The following TBCK variants were observed in gnomAD, a reference collection of about 807,000 sequenced individuals.
TBCK encodes TBC1 domain containing kinase, also known as TBC domain-containing protein kinase-like protein.
A neutral mutation model predicts 113.4 loss-of-function variants in TBCK; 99 were observed. The observed-to-expected ratio is 0.87, with a 90% CI of 0.74 to 1.03. The LOEUF (loss-of-function observed/expected upper bound fraction) is 1.03, where lower values mean the gene tolerates loss of function less well. Among genes scored for constraint, TBCK ranks in the 50% least tolerant of loss-of-function variants. The pLI, the probability that TBCK is intolerant of heterozygous loss-of-function variation, is 0.00. For missense variants in TBCK, 1,045 were observed against 1,061.3 expected (o/e 0.98, Z 0.21); for synonymous variants, 369 against 370.8 (o/e 1.00, Z 0.05).
chr4:106,201,429 T>C (rs1553958975), intron 20 of TBCK, among the ~76,000 whole-genome samples: 1 of 152,100 alleles, frequency 6.6e-6, no homozygotes, highest in Non-Finnish European at 1.5e-5. Context: ...AGAGATATTA[T>C]TAGCTATTTC....
intron 23 of TBCK, among the ~76,000 whole-genome samples, chr4:106,118,008 C>CAA (rs1006398569): frequency 1.2e-4 from 9 of 76,352 alleles, no homozygotes; most frequent in African/African-American, 3.1e-4. Flanking sequence ...GACTCCGTCT[C>CAA]AAAAAAAAAA....
intron 3 of TBCK, 75 bp from the exon 4 acceptor site, chr4:106,262,287 C>A: frequency 1.4e-6 from 1 of 738,136 alleles, no homozygotes; most frequent in Non-Finnish European, 2.2e-6. Context: ...GAAATGTGAC[C>A]TAGTGAAAAT....
chr4:106,201,818 A>T (rs72891645), intron 20 of TBCK, among the ~76,000 whole-genome samples: 4,097 of 152,100 alleles, frequency 0.027, 178 homozygotes, highest in African/African-American at 0.094. Context: ...AGCATACTAT[A>T]TTGTCTATCT....
chr4:106,212,038 T>A (rs889345187), intron 20 of TBCK, among the ~76,000 whole-genome samples: 2 of 152,046 alleles, frequency 1.3e-5, no homozygotes, highest in African/African-American at 4.8e-5. Context: ...TTAAAAAAAA[T>A]TTTTTAATGT....
intron 22 of TBCK, among the ~76,000 whole-genome samples, chr4:106,183,724 T>C (rs922144817): frequency 2.3e-4 from 35 of 152,124 alleles, no homozygotes; most frequent in African/African-American, 8.0e-4. Flanking sequence ...TGAGTTTTCT[T>C]ATTGCTAAAC....
intron 22 of TBCK, among the ~76,000 whole-genome samples, chr4:106,172,063 C>T (rs1477095247): frequency 6.6e-6 from 1 of 152,068 alleles, no homozygotes; most frequent in Non-Finnish European, 1.5e-5. Context: ...AATTCCTGAC[C>T]TCAGGCAATC....
chr4:106,179,991 T>C (rs967179365), intron 22 of TBCK, among the ~76,000 whole-genome samples: 1 of 152,076 alleles, frequency 6.6e-6, no homozygotes, highest in Admixed American at 6.6e-5. Context: ...ATAATGGACT[T>C]CTTTTGTCTT....
intron 22 of TBCK, among the ~76,000 whole-genome samples, chr4:106,185,537 G>A (rs551682251): frequency 1.3e-5 from 2 of 152,054 alleles, no homozygotes; most frequent in South Asian, 4.1e-4. Context: ...GCTTTAGATG[G>A]CTCATATAAG....
chr4:106,202,180 CTT>C (rs11288078), intron 20 of TBCK, among the ~76,000 whole-genome samples: 327 of 149,848 alleles, frequency 2.2e-3, no homozygotes, highest in Non-Finnish European at 2.7e-3. Context: ...AAGATACACA[CTT>C]TTTTTTTTTT....
rs373598885 is a variant in TBCK at position 106,236,176 on chromosome 4, A to T, written c.1350+214T>A. Among the ~76,000 whole-genome samples the T allele has an allele frequency of 1.2e-4, 18 of 152,096 alleles. No individual in the cohort carries two copies. The South Asian group carries it at 3.7e-3, about 32-fold the overall frequency. ...ATAAAGACATTATTCCTTTTTTAAC[A>T]TGATTTTGCATATGTTACCACACCT... On this transcript the variant is annotated intron_variant, in intron 14 of 25. Coordinates refer to ENST00000394708, the MANE Select transcript of TBCK (RefSeq NM_001163435.3).
intron 22 of TBCK, among the ~76,000 whole-genome samples, chr4:106,179,927 T>G (rs955888496): frequency 6.6e-6 from 1 of 152,096 alleles, no homozygotes; most frequent in Non-Finnish European, 1.5e-5. Flanking sequence ...CCAGAGTTGG[T>G]TGGGTGTATA....
intron 25 of TBCK, among the ~76,000 whole-genome samples, chr4:106,056,928 C>A (rs1359824293): frequency 6.6e-6 from 1 of 151,790 alleles, no homozygotes; most frequent in Non-Finnish European, 1.5e-5. Context: ...ATTCATTACA[C>A]ACACACTTGC....
chr4:106,073,719 G>A (rs796943682), intron 25 of TBCK, among the ~76,000 whole-genome samples: 43 of 152,202 alleles, frequency 2.8e-4, no homozygotes. Context: ...CTGCCCCAGA[G>A]CTGGAGTCTA....
intron 23 of TBCK, among the ~76,000 whole-genome samples, chr4:106,158,805 A>G (rs1749413222): frequency 6.6e-6 from 1 of 152,158 alleles, no homozygotes; most frequent in African/African-American, 2.4e-5. Flanking sequence ...TAAGCCCAGC[A>G]TTACCCTGAT....
intron 25 of TBCK, among the ~76,000 whole-genome samples, chr4:106,092,964 C>A (rs1050396908): frequency 1.3e-5 from 2 of 152,176 alleles, no homozygotes; most frequent in African/African-American, 4.8e-5. Context: ...CACCACCAGG[C>A]CAGCCTCCAA....
At chr4:106,214,640 T>G (rs1756631736) in intron 19 of TBCK, among the ~76,000 whole-genome samples, 2 of 151,546 alleles carry the variant, frequency 1.3e-5, no homozygotes, top group Admixed American at 6.6e-5. Context: ...ATGAATGAAA[T>G]GAAGTGAGAA....
intron 25 of TBCK, among the ~76,000 whole-genome samples, chr4:106,054,429 C>G (rs1048507513): frequency 5.3e-5 from 8 of 151,776 alleles, no homozygotes; most frequent in African/African-American, 1.9e-4. Context: ...CTTTCCATCT[C>G]AGAATAAGAG....
intron 3 of TBCK, among the ~76,000 whole-genome samples, chr4:106,283,373 T>C (rs967762750): frequency 3.3e-5 from 5 of 152,110 alleles, no homozygotes; most frequent in Admixed American, 1.3e-4. Flanking sequence ...GGGAAAGATA[T>C]CTTACTACTA....
intron 5 of TBCK, among the ~76,000 whole-genome samples, chr4:106,260,133 C>A (rs1428629165): frequency 6.6e-6 from 1 of 151,866 alleles, no homozygotes; most frequent in Admixed American, 6.6e-5. Context: ...TCTAGTCATC[C>A]TTCTTGCCTT....
Sources: allele counts gnomAD v4.1 joint callset (sites outside exome capture counted in the v4.1 genomes callset), GRCh38; gene constraint gnomAD v4.1.1; transcripts MANE v1.5; gene names NCBI Gene and HGNC (gene_info 2026-07-23, HGNC 2026-07-21).